TPM3: variants seen among roughly 807,000 people sequenced by gnomAD.
TPM3 encodes the protein tropomyosin alpha-3 chain.
TPM3 carries 16 observed loss-of-function variants against 43.1 expected under a neutral mutation model. The ratio of observed to expected loss-of-function variants is 0.37; its 90% CI spans 0.25 to 0.56. TPM3 has a LOEUF of 0.56. Among genes scored for constraint, TPM3 ranks in the 20% least tolerant of loss-of-function variants. The pLI is 0.77. For synonymous variants in TPM3, 101 were observed against 116.9 expected, an observed-to-expected ratio of 0.86 and a Z score of 0.88; for missense variants, 176 against 337.2, an observed-to-expected ratio of 0.52 and a Z score of 3.74.
chr1:154,183,159 T>C (rs1663166214), intron 2 of TPM3: 1 of 1,597,424 alleles, frequency 6.3e-7, no homozygotes, highest in East Asian at 2.2e-5. Flanking sequence ...GGTTCCTGCC[T>C]CCTCCGCTCG....
At chr1:154,184,755 A>G (rs1017878030) in intron 2 of TPM3, among the ~76,000 whole-genome samples, 1 of 150,608 alleles carries the variant, frequency 6.6e-6, no homozygotes, top group African/African-American at 2.4e-5. Flanking sequence ...TCTACAAACA[A>G]TTAAAAAATT....
At chr1:154,177,592 G>C (rs1481479753) in intron 2 of TPM3, among the ~76,000 whole-genome samples, 1 of 152,032 alleles carries the variant, frequency 6.6e-6, no homozygotes, top group Non-Finnish European at 1.5e-5. Flanking sequence ...AATATGCCCC[G>C]CACACCACCC....
chr1:154,160,857 T>C (rs945303345), downstream of TPM3, among the ~76,000 whole-genome samples: 1 of 152,040 alleles, frequency 6.6e-6, no homozygotes, highest in African/African-American at 2.4e-5. Flanking sequence ...AAATGCTCAT[T>C]GGAGGATTTT....
downstream of TPM3, chr1:154,158,882 TA>T (rs1660073407): frequency 1.3e-6 from 1 of 765,438 alleles, no homozygotes; most frequent in Non-Finnish European, 2.4e-6. Flanking sequence ...TAATAACTTT[TA>T]AAAAGACAAT....
In TPM3 at chr1:154,165,239, G is replaced by C. The variant is rs879546956; in HGVS notation, c.*2698C>G. 5.3e-5 allele frequency among the ~76,000 whole-genome samples: 8 copies of C among 151,774 alleles called. No individual in the cohort carries two copies. The highest frequency in any genetic ancestry group is 1.2e-4 in the Non-Finnish European group (8 of 67,970). ...CGTACTAAAAATACAAAAATCAGCT[G>C]GGCATGGTGGTGGGTATCTGTAATC... On this transcript the variant is annotated 3_prime_UTR_variant, in exon 10 of 10. Coordinates refer to ENST00000651641, the MANE Select transcript of TPM3 (RefSeq NM_152263.4).
intron 3 of TPM3, among the ~76,000 whole-genome samples, chr1:154,175,425 A>T (rs1174300544): frequency 6.6e-6 from 1 of 151,988 alleles, no homozygotes; most frequent in South Asian, 2.1e-4. Flanking sequence ...CTGGGATGAG[A>T]TCTAAGCATC....
rs1239219673 is a variant in TPM3, at chr1:154,172,244, GAT to G, written c.566+662_566+663del. The G allele has an allele frequency of 7.2e-6, 6 of 833,550 alleles. No individual in the cohort carries two copies. In the Admixed American group the frequency reaches 1.1e-4, roughly 15 times the overall value. The allele number at this position is 833,550 out of a possible 1,614,324, so 51.6% of individuals were successfully genotyped here. ...GGGAAGAGAACACCACCATGGTCAT[GAT>G]ATGTTATGTCTGGCAGACGGGAATG... On this transcript the variant is annotated intron_variant, in intron 5 of 9. Coordinates refer to ENST00000651641, the MANE Select transcript of TPM3 (RefSeq NM_152263.4).
intron 2 of TPM3, among the ~76,000 whole-genome samples, chr1:154,181,666 T>A (rs915771763): frequency 2.0e-5 from 3 of 152,192 alleles, no homozygotes; most frequent in Non-Finnish European, 4.4e-5. Flanking sequence ...ACACCTGTAA[T>A]CCCAGCACTT....
chr1:154,161,762 A>G (rs1221017261), downstream of TPM3, among the ~76,000 whole-genome samples: 1 of 152,048 alleles, frequency 6.6e-6, no homozygotes, highest in Non-Finnish European at 1.5e-5. Flanking sequence ...TTATCCCTCA[A>G]AGCAGCCTGG....
At chr1:154,188,592 G>A (rs779937071) in intron 2 of TPM3, among the ~76,000 whole-genome samples, 4 of 147,408 alleles carry the variant, frequency 2.7e-5, no homozygotes, top group African/African-American at 1.0e-4. Context: ...GGAGAATGGC[G>A]TGAACCCAAG....
intron 9 of TPM3, among the ~76,000 whole-genome samples, chr1:154,168,604 CT>C (rs1661239911): frequency 6.6e-6 from 1 of 152,184 alleles, no homozygotes; most frequent in African/African-American, 2.4e-5. Flanking sequence ...TCACTGCAAC[CT>C]CCATCTCCTG....
At chr1:154,189,315 T>C (rs1019957119) in intron 2 of TPM3, among the ~76,000 whole-genome samples, 10 of 148,860 alleles carry the variant, frequency 6.7e-5, no homozygotes, top group Non-Finnish European at 1.2e-4. Context: ...AAACCCCATC[T>C]TTACTAAAAA....
In TPM3 at chr1:154,191,942, G is replaced by T; in HGVS notation, c.77C>A (p.Ala26Asp). ...KENALDRAEQAEAEQKQAEER... is the reference protein window; with the variant it reads ...KENALDRAEQDEAEQKQAEER... Reference sequence around the variant, plus strand: ...TTCTGCCTGCTTCTGCTCAGCTTCAGCTTGCTCTGCCCGATCCAGAGCATT... The same window carrying T: ...TTCTGCCTGCTTCTGCTCAGCTTCATCTTGCTCTGCCCGATCCAGAGCATT... Residue 26 changes from alanine (A) to aspartate (D), a missense_variant, in exon 1 of 10, where the codon GCT becomes GAT. Ala to Asp is a moderately radical substitution (Grantham distance 126, BLOSUM62 -2). Coordinates refer to ENST00000651641, the MANE Select transcript of TPM3 (RefSeq NM_152263.4). 1 of 1,613,890 alleles carries T rather than the reference G, an allele frequency of 6.2e-7. No homozygotes were observed. Among genetic ancestry groups the T allele is most frequent in the Non-Finnish European group, 8.5e-7 (1 of 1,179,996 alleles).
intron 6 of TPM3, 126 bp downstream of exon 6, chr1:154,171,287 G>A: frequency 1.0e-6 from 1 of 958,538 alleles, no homozygotes; most frequent in Non-Finnish European, 1.7e-6. Flanking sequence ...CTGAATACAT[G>A]GTAAGGAGGT....
chr1:154,170,882 C>G lies in TPM3; in HGVS notation c.643-171G>C, dbSNP rs1234339762. 2.1e-5 allele frequency: 13 copies of G among 630,786 alleles called. No homozygotes were observed. In the Admixed American group the frequency reaches 2.4e-4, roughly 12 times the overall value. 39.1% of individuals were successfully genotyped at this position (630,786 alleles called of 1,614,324 possible). ...CAATAGGTCCTTGAAATTCAGAAAT[C>G]TATGTCTTTAGAGCCATGAGATCCT... is the stretch of plus-strand genomic sequence containing the variant. On this transcript the variant is annotated intron_variant, in intron 6 of 9. Transcript: ENST00000651641.
intron 2 of TPM3, among the ~76,000 whole-genome samples, chr1:154,188,442 G>A (rs1394178447): frequency 4.0e-5 from 6 of 151,492 alleles, no homozygotes; most frequent in Non-Finnish European, 8.8e-5. Flanking sequence ...TTGGGAGGCC[G>A]TGGCGGGCGG....
chr1:154,177,501 AG>A (rs1662469999), intron 2 of TPM3, among the ~76,000 whole-genome samples: 1 of 152,200 alleles, frequency 6.6e-6, no homozygotes, highest in Admixed American at 6.5e-5. Context: ...TTCTAATGGT[AG>A]GAAAACCTCT....
rs938872361 is a variant in TPM3 at position 154,163,279 on chromosome 1, C to T, written c.*4658G>A. ...ATTTTAGCCCCTCAGCCACACTAGC[C>T]ATGTTTTGAGTGCTTGACTGCCACA... On this transcript the variant is annotated 3_prime_UTR_variant, in exon 10 of 10. Coordinates refer to ENST00000651641, the MANE Select transcript of TPM3 (RefSeq NM_152263.4). Among the ~76,000 whole-genome samples the T allele has an allele frequency of 1.3e-5, 2 of 152,180 alleles. No individual in the cohort carries two copies. The highest frequency in any genetic ancestry group is 2.9e-5 in the Non-Finnish European group (2 of 68,030).
intron 2 of TPM3, among the ~76,000 whole-genome samples, chr1:154,190,091 G>A (rs537681157): frequency 2.6e-3 from 395 of 152,010 alleles, no homozygotes; most frequent in Non-Finnish European, 4.7e-3. Flanking sequence ...ACAGGCACCC[G>A]CCACCACACC....
Sources: allele counts gnomAD v4.1 joint callset (sites outside exome capture counted in the v4.1 genomes callset), GRCh38; gene constraint gnomAD v4.1.1; transcripts MANE v1.5; gene names NCBI Gene and HGNC (gene_info 2026-07-23, HGNC 2026-07-21).